Variants in ARPP21 observed in about 807,000 individuals in gnomAD.
ARPP21 encodes the protein cAMP-regulated phosphoprotein 21.
In ARPP21, 69 loss-of-function variants were observed where a neutral mutation model predicts 113.2. That is an observed-to-expected ratio of 0.61 (90% CI 0.50 to 0.74). The LOEUF (loss-of-function observed/expected upper bound fraction) is 0.74. Among genes scored for constraint, ARPP21 ranks in the 30% least tolerant of loss-of-function variants. The pLI is 0.00. For synonymous variants in ARPP21, 368 were observed against 375.5 expected (o/e 0.98, Z 0.23); for missense variants, 1,070 against 1,037.4 (o/e 1.03, Z -0.43).
intron 1 of ARPP21, among the ~76,000 whole-genome samples, chr3:35,664,115 C>T (rs1015651938): frequency 6.6e-6 from 1 of 152,144 alleles, no homozygotes; most frequent in Non-Finnish European, 1.5e-5. Flanking sequence ...TGTTTGAAAT[C>T]TTAATAGAAC....
At position 35,712,309 on chromosome 3, in the gene ARPP21, G is replaced by A. The variant is rs142741228; in HGVS notation, c.898-3130G>A. ...AATTTGAAAACTGAGCTAACAAAGC[G>A]GCTTTCCTTGGCAATTATTATTTAA... On this transcript the variant is annotated intron_variant, in intron 11 of 20. Coordinates refer to ENST00000684406, the MANE Select transcript of ARPP21 (RefSeq NM_001385562.1). 1.3e-4 allele frequency among the ~76,000 whole-genome samples: 20 copies of A among 152,244 alleles called. No individual in the cohort carries two copies. The East Asian group carries it at 2.5e-3, about 19-fold the overall frequency.
chr3:35,724,181 T>C lies in ARPP21; in HGVS notation c.1225+2347T>C, dbSNP rs17033718. On this transcript the variant is annotated intron_variant, in intron 14 of 20. Coordinates refer to ENST00000684406, the MANE Select transcript of ARPP21 (RefSeq NM_001385562.1). Reference sequence around the variant, plus strand: ...TACGTTTTGGAAGGAAGCATATTACTGAAGTATGAATGTACAAGCACATTC... The same window carrying C: ...TACGTTTTGGAAGGAAGCATATTACCGAAGTATGAATGTACAAGCACATTC... Among the ~76,000 whole-genome samples, 8 of 152,320 alleles carry C rather than the reference T, an allele frequency of 5.3e-5. No homozygotes were observed. In the East Asian group the frequency reaches 1.5e-3, roughly 29 times the overall value.
At chr3:35,640,523 C>G (rs1173466889) in intron 1 of ARPP21, 125 bp downstream of exon 1, 2 of 151,858 alleles carry the variant, frequency 1.3e-5, no homozygotes, top group Non-Finnish European at 2.9e-5. Flanking sequence ...ATTTCTTCTT[C>G]GTGTTTGTAG....
At chr3:35,688,788 G>T (rs1487407087) in intron 6 of ARPP21, among the ~76,000 whole-genome samples, 1 of 151,410 alleles carries the variant, frequency 6.6e-6, no homozygotes, top group Non-Finnish European at 1.5e-5. Context: ...ATTAAGCTTT[G>T]GACAGCATTA....
At chr3:35,710,710 AT>A (rs1209857145) in intron 11 of ARPP21, among the ~76,000 whole-genome samples, 47 of 152,292 alleles carry the variant, frequency 3.1e-4, no homozygotes, top group African/African-American at 1.0e-3. Flanking sequence ...GTTGTGTCAC[AT>A]TGTTAGACAC....
chr3:35,774,511 C>A (rs2151585428), intron 19 of ARPP21, among the ~76,000 whole-genome samples: 1 of 152,260 alleles, frequency 6.6e-6, no homozygotes, highest in South Asian at 2.1e-4. Flanking sequence ...CTTCTACCCC[C>A]TTTTAAATAC....
intron 1 of ARPP21, among the ~76,000 whole-genome samples, chr3:35,672,527 A>G (rs2076581841): frequency 6.6e-6 from 1 of 152,124 alleles, no homozygotes; most frequent in Non-Finnish European, 1.5e-5. Context: ...TCACATAGCC[A>G]TTACTGATTA....
intron 19 of ARPP21, among the ~76,000 whole-genome samples, chr3:35,788,199 A>T (rs1432757964): frequency 6.6e-6 from 1 of 152,190 alleles, no homozygotes; most frequent in African/African-American, 2.4e-5. Context: ...GCTTTTCTGG[A>T]TAAGCAATTT....
At chr3:35,654,731 G>T (rs1030648629) in intron 1 of ARPP21, among the ~76,000 whole-genome samples, 10 of 152,040 alleles carry the variant, frequency 6.6e-5, no homozygotes, top group Middle Eastern at 3.4e-3. Flanking sequence ...CTACCCTCAA[G>T]GAGTCAGTTT....
chr3:35,760,553 T>G (rs1261964577), intron 19 of ARPP21, among the ~76,000 whole-genome samples: 1 of 151,338 alleles, frequency 6.6e-6, no homozygotes, highest in Non-Finnish European at 1.5e-5. Context: ...AAAAAAAAAA[T>G]CCGCTGGGAG....
intron 19 of ARPP21, among the ~76,000 whole-genome samples, chr3:35,784,559 A>G (rs1243946917): frequency 6.6e-6 from 1 of 152,146 alleles, no homozygotes; most frequent in East Asian, 1.9e-4. Context: ...TCATATCCTA[A>G]ATAACTCTCT....
intron 15 of ARPP21, among the ~76,000 whole-genome samples, chr3:35,732,223 GA>G (rs71774773): frequency 0.042 from 6,339 of 149,990 alleles, 204 homozygotes; most frequent in Admixed American, 0.081. Context: ...CCTACTAAAT[GA>G]AAAAAAAATG....
intron 5 of ARPP21, chr3:35,684,268 G>A (rs551995518): frequency 2.5e-4 from 299 of 1,193,184 alleles, no homozygotes; most frequent in Non-Finnish European, 3.0e-4. Flanking sequence ...AGTGAATAAG[G>A]TGCATTTAAC....
At chr3:35,742,818 G>T (rs1163038488) in intron 18 of ARPP21, among the ~76,000 whole-genome samples, 1 of 152,132 alleles carries the variant, frequency 6.6e-6, no homozygotes, top group African/African-American at 2.4e-5. Context: ...GTCTACTAGG[G>T]TACTTCAGTT....
In ARPP21 at chr3:35,748,641, C is replaced by T. The variant is rs562204855; in HGVS notation, c.2137+4676C>T. Among the ~76,000 whole-genome samples, 12 of 152,270 alleles carry T rather than the reference C, an allele frequency of 7.9e-5. 1 individual carries two copies. The South Asian group carries it at 2.5e-3, about 32-fold the overall frequency. ...CTTAACTGGAAACAGAGTTTCTCAA[C>T]CTTCAGATATTGAAATGAAGTGTTG... On this transcript the variant is annotated intron_variant, in intron 19 of 20. Transcript: ENST00000684406.
intron 14 of ARPP21, among the ~76,000 whole-genome samples, chr3:35,723,213 C>G (rs576618369): frequency 5.3e-5 from 8 of 151,986 alleles, no homozygotes; most frequent in Non-Finnish European, 8.8e-5. Flanking sequence ...TCCCAATCAC[C>G]CTTTACACTG....
chr3:35,702,913 TA>T (rs1215041851), intron 9 of ARPP21, among the ~76,000 whole-genome samples: 2 of 151,882 alleles, frequency 1.3e-5, no homozygotes, highest in Non-Finnish European at 2.9e-5. Flanking sequence ...ACAGTGTCAT[TA>T]GATTTCTCTA....
chr3:35,765,913 G>A (rs1282443061), intron 19 of ARPP21, among the ~76,000 whole-genome samples: 1 of 152,096 alleles, frequency 6.6e-6, no homozygotes, highest in Admixed American at 6.6e-5. Flanking sequence ...AAGATCTGAG[G>A]ACTAGCTCAT....
rs1439641648 is a variant in ARPP21 at position 35,786,945 on chromosome 3, T to C, written c.2138-5437T>C. 2.0e-5 allele frequency among the ~76,000 whole-genome samples: 3 copies of C among 152,258 alleles called. No homozygotes were observed. In the East Asian group the frequency reaches 5.8e-4, roughly 29 times the overall value. ...ACTAAAATATCAAGCTGTGTGTCTG[T>C]TTTCTCCACCTAAGGCTACTGTGAA... On this transcript the variant is annotated intron_variant, in intron 19 of 20. Coordinates refer to ENST00000684406, the MANE Select transcript of ARPP21 (RefSeq NM_001385562.1).
Sources: gnomAD v4.1 joint callset for allele counts (sites outside exome capture counted in the v4.1 genomes callset) on GRCh38, gnomAD v4.1.1 for gene constraint, MANE v1.5 for transcripts, NCBI Gene and HGNC (gene_info 2026-07-23, HGNC 2026-07-21) for gene names.